The following CXADR variants were observed in gnomAD, a reference collection of about 807,000 sequenced individuals.
CXADR encodes CXADR cell adhesion molecule.
CXADR carries 20 observed loss-of-function variants against 40.3 expected under a neutral mutation model. That is an observed-to-expected ratio of 0.50 (90% CI 0.35 to 0.72). The LOEUF is 0.72. CXADR is among the 30% of genes least tolerant of loss of function. CXADR has a pLI of 0.01. For synonymous variants in CXADR, 150 were observed against 161.3 expected, an observed-to-expected ratio of 0.93 and a Z score of 0.53; for missense variants, 332 against 449.1, an observed-to-expected ratio of 0.74 and a Z score of 2.36.
chr21:17,573,241 A>G (rs577710710), downstream of CXADR, among the ~76,000 whole-genome samples: 1 of 152,092 alleles, frequency 6.6e-6, no homozygotes, highest in Admixed American at 6.6e-5. Context: ...ATATAAGCGC[A>G]TCTCAACTAA....
intron 7 of CXADR, among the ~76,000 whole-genome samples, chr21:17,580,528 GA>G (rs1490719679): frequency 6.6e-6 from 1 of 152,120 alleles, no homozygotes; most frequent in Non-Finnish European, 1.5e-5. Context: ...AGGATCACCT[GA>G]GCCTGAGGAG....
chr21:17,577,969 T>G (rs2040764696), intron 7 of CXADR, among the ~76,000 whole-genome samples: 1 of 150,970 alleles, frequency 6.6e-6, no homozygotes, highest in Admixed American at 6.6e-5. Context: ...ATAGCAGGAC[T>G]TTTTTTTTAA....
chr21:17,558,081 CTT>C (rs11420511), intron 3 of CXADR, among the ~76,000 whole-genome samples: 92,684 of 149,684 alleles, frequency 0.62, 28,891 homozygotes, highest in Middle Eastern at 0.7. Context: ...CTCAGATTTC[CTT>C]TTTTTTTTTT....
intron 7 of CXADR, chr21:17,577,021 T>C (rs1466283883): frequency 1.3e-5 from 2 of 152,200 alleles, no homozygotes; most frequent in Non-Finnish European, 2.9e-5. Context: ...TTAGACTATC[T>C]CCAAAACTCT....
Position 17,576,087 on chromosome 21 carries a change from CA to C in CXADR, c.1017+10493del, listed in dbSNP as rs35462120. Among the ~76,000 whole-genome samples the C allele has an allele frequency of 4.2e-3, 516 of 121,606 alleles. 4 individuals are homozygous for C. The highest frequency in any genetic ancestry group is 0.012 in the African/African-American group (394 of 31,606). 79.8% of individuals were successfully genotyped at this position (121,606 alleles called of 152,430 possible). A position where few individuals can be genotyped will look rare whatever the true frequency, so the allele number is the denominator to read the frequency against. ...TGGGTGACAGAGCGAGACTCCATCT[CA>C]AAAAAAAAAAAAAAAAGTTTTTAAG... On this transcript the variant is annotated intron_variant, in intron 7 of 7. Transcript: ENST00000400169.
At chr21:17,624,386 T>C in the CXADR span, among the ~76,000 whole-genome samples, 1 of 152,196 alleles carries the variant, frequency 6.6e-6, no homozygotes, top group African/African-American at 2.4e-5. Flanking sequence ...ATCCAGTGCC[T>C]TCAGTCTGCA....
rs1464566850 is a variant in CXADR at position 17,534,012 on chromosome 21, ATATATATATATATATAGC to A, written c.44-12998_44-12981del. Among the ~76,000 whole-genome samples the A allele has an allele frequency of 8.8e-3, 1,070 of 122,000 alleles. 14 individuals are homozygous for A. The highest frequency in any genetic ancestry group is 0.029 in the African/African-American group (825 of 28,250). 80.0% of individuals were successfully genotyped at this position (122,000 alleles called of 152,430 possible). On this transcript the variant is annotated intron_variant, in intron 1 of 6. Transcript: ENST00000284878. ...ATTTTCTTCTCTTTCTCAGCAATATATATATATATATATATAGCTATATATATATATATACACATATAT... is the reference window on the plus strand; with the variant it reads ...ATTTTCTTCTCTTTCTCAGCAATATATATATATATATATATACACATATAT...
intron 1 of CXADR, among the ~76,000 whole-genome samples, chr21:17,525,561 C>A (rs1464429281): frequency 6.6e-6 from 1 of 152,150 alleles, no homozygotes; most frequent in African/African-American, 2.4e-5. Context: ...CTGGACAGTT[C>A]CCATGGGAGA....
intron 1 of CXADR, among the ~76,000 whole-genome samples, chr21:17,545,423 G>A (rs1380626517): frequency 6.6e-6 from 1 of 152,006 alleles, no homozygotes; most frequent in African/African-American, 2.4e-5. Flanking sequence ...GACTAAATTT[G>A]CATTTAATTT....
chr21:17,593,184 A>C lies in CXADR; in HGVS notation c.1050A>C (p.Thr350=), dbSNP rs779429207. 2.7e-6 allele frequency: 4 copies of C among 1,462,580 alleles called. No homozygotes were observed. The South Asian group carries it at 5.9e-5, about 22-fold the overall frequency. 90.6% of individuals were successfully genotyped at this position (1,462,580 alleles called of 1,614,324 possible). ...ACCCTTACAAGACTGATGGAATTAC[A>C]GTTGTATAAATATGGACTACTGAAG... Residue 350 remains threonine (T), a synonymous_variant, in exon 8 of 8, where the codon ACA becomes ACC. Coordinates refer to the CXADR transcript ENST00000400169.
At position 17,555,863 on chromosome 21, in the gene CXADR, G is replaced by T. The variant is rs183091217; in HGVS notation, c.416-3113G>T. Among the ~76,000 whole-genome samples the T allele has an allele frequency of 9.2e-5, 14 of 152,222 alleles. No individual in the cohort carries two copies. In the East Asian group the frequency reaches 1.9e-3, roughly 21 times the overall value. ...TTGATAGATTTTGCCTGGAGTCAGG[G>T]TATTTTTGAACCAATAAGAAATTAT... On this transcript the variant is annotated intron_variant, in intron 3 of 6. Transcript: ENST00000284878.
Position 17,593,166 on chromosome 21 carries a change from C to A in CXADR, c.1032C>A (p.Tyr344Ter). 6.9e-7 allele frequency: 1 copy of A among 1,454,970 alleles called. No individual in the cohort carries two copies. The highest frequency in any genetic ancestry group is 1.5e-5 in the South Asian group (1 of 66,774). 90.1% of individuals were successfully genotyped at this position (1,454,970 alleles called of 1,614,324 possible). Residue 344 changes from tyrosine to a stop codon, truncating the protein, a stop_gained, in exon 8 of 8, where the codon TAC becomes TAA. Coordinates refer to the CXADR transcript ENST00000400169. LOFTEE classifies it high-confidence loss of function. ...TCTTTTTGTAGTTCAAGTACCCTTACAAGACTGATGGAATTACAGTTGTAT... is the reference window on the plus strand; with the variant it reads ...TCTTTTTGTAGTTCAAGTACCCTTAAAAGACTGATGGAATTACAGTTGTAT...
chr21:17,551,912 C>T lies in CXADR; in HGVS notation c.374C>T (p.Ala125Val). 1 of 1,613,886 alleles carries T rather than the reference C, an allele frequency of 6.2e-7. No individual in the cohort carries two copies. Among genetic ancestry groups the T allele is most frequent in the South Asian group, 1.1e-5 (1 of 91,072 alleles). ...IGTYQCKVKK[A>V]PGVANKKIHL... Reference sequence around the variant, plus strand: ...ACATATCAGTGCAAAGTGAAAAAAGCTCCTGGTGTTGCAAATAAGAAGATT... The same window carrying T: ...ACATATCAGTGCAAAGTGAAAAAAGTTCCTGGTGTTGCAAATAAGAAGATT... Residue 125 changes from alanine (A) to valine (V), a missense_variant, in exon 3 of 7, where the codon GCT becomes GTT. Ala to Val is a moderately conservative substitution (Grantham distance 64). Transcript: ENST00000284878.
At chr21:17,631,760 T>C in the CXADR span, among the ~76,000 whole-genome samples, 1 of 152,318 alleles carries the variant, frequency 6.6e-6, no homozygotes, top group South Asian at 2.1e-4. Flanking sequence ...AGACAGACTC[T>C]AAGCTAAAGA....
chr21:17,569,003 C>G lies in CXADR; in HGVS notation c.*3311C>G. On this transcript the variant is annotated 3_prime_UTR_variant, in exon 7 of 7. Transcript: ENST00000284878. ...GATTTTTATTAAAAAGATACTTTTT[C>G]AAATTTAAGAGTTAATCTTGGAAAT... The G allele has an allele frequency of 1.0e-6, 1 of 984,302 alleles. No homozygotes were observed. Among genetic ancestry groups the G allele is most frequent in the Non-Finnish European group, 1.2e-6 (1 of 829,100 alleles). 61.0% of individuals were successfully genotyped at this position (984,302 alleles called of 1,614,324 possible). A position where few individuals can be genotyped will look rare whatever the true frequency, so the allele number is the denominator to read the frequency against.
At chr21:17,534,019 T>TAGCTATATATATATATATACAC (rs1555864920) in intron 1 of CXADR, among the ~76,000 whole-genome samples, 3 of 81,400 alleles carry the variant, frequency 3.7e-5, no homozygotes, top group Non-Finnish European at 5.5e-5. Flanking sequence ...TATATATATA[T>TAGCTATATATATATATATACAC]ATATATATAG....
intron 1 of CXADR, among the ~76,000 whole-genome samples, chr21:17,531,722 C>G (rs147028996): frequency 9.9e-5 from 15 of 152,266 alleles, no homozygotes; most frequent in African/African-American, 3.6e-4. Flanking sequence ...ATTTCTTGTA[C>G]TCTAATGTGT....
chr21:17,527,851 G>A (rs995070628), intron 1 of CXADR, among the ~76,000 whole-genome samples: 3 of 149,726 alleles, frequency 2.0e-5, no homozygotes, highest in East Asian at 1.9e-4. Context: ...TCGCTCTGTC[G>A]CCCAGGCTGG....
At position 17,567,392 on chromosome 21, in the gene CXADR, G is replaced by C; in HGVS notation, c.*1700G>C. 1.0e-6 allele frequency: 1 copy of C among 984,976 alleles called. No homozygotes were observed. The highest frequency in any genetic ancestry group is 1.2e-6 in the Non-Finnish European group (1 of 829,520). 61.0% of individuals were successfully genotyped at this position (984,976 alleles called of 1,614,324 possible). On this transcript the variant is annotated 3_prime_UTR_variant, in exon 7 of 7. Coordinates refer to ENST00000284878, the MANE Select transcript of CXADR (RefSeq NM_001338.5). Reference sequence around the variant, plus strand: ...TATGTAAAATTACTTTTATACTCGTGTTAACATTTTCATCTGTGCCTTTTG... The same window carrying C: ...TATGTAAAATTACTTTTATACTCGTCTTAACATTTTCATCTGTGCCTTTTG...
Sources: allele counts gnomAD v4.1 joint callset (sites outside exome capture counted in the v4.1 genomes callset), GRCh38; gene constraint gnomAD v4.1.1; transcripts MANE v1.5; gene names NCBI Gene and HGNC (gene_info 2026-07-23, HGNC 2026-07-21).